ZBTB46: variants seen among roughly 807,000 people sequenced by gnomAD.
ZBTB46 encodes the protein zinc finger and BTB domain-containing protein 46.
A neutral mutation model predicts 44.1 loss-of-function variants in ZBTB46; 8 were observed. The ratio of observed to expected loss-of-function variants is 0.18; its 90% confidence interval spans 0.11 to 0.33. The LOEUF is 0.33. Among genes scored for constraint, ZBTB46 ranks in the 10% least tolerant of loss-of-function variants. The pLI is 1.00. For synonymous variants in ZBTB46, 409 were observed against 382.3 expected (o/e 1.07, Z -0.81); for missense variants, 651 against 847.7 (o/e 0.77, Z 2.88).
chr20:63,771,185 G>T (rs1316942649), intron 3 of ZBTB46, among the ~76,000 whole-genome samples: 1 of 152,206 alleles, frequency 6.6e-6, no homozygotes, highest in Non-Finnish European at 1.5e-5. Context: ...GGCCGCTCTT[G>T]TCTTCTTCTC....
chr20:63,795,378 T>TA (rs956052155), intron 1 of ZBTB46, among the ~76,000 whole-genome samples: 102 of 152,288 alleles, frequency 6.7e-4, no homozygotes, highest in Non-Finnish European at 1.0e-3. Flanking sequence ...GCTGCGCAGT[T>TA]ACACCGTGCA....
At chr20:63,754,843 CCCGCCTCGG>C (rs2092205623) in intron 3 of ZBTB46, among the ~76,000 whole-genome samples, 1 of 152,186 alleles carries the variant, frequency 6.6e-6, no homozygotes, top group African/African-American at 2.4e-5. Context: ...TCGTGATCCG[CCCGCCTCGG>C]CCTCTCAAAG....
intron 1 of ZBTB46, among the ~76,000 whole-genome samples, chr20:63,823,858 T>TGTGTGTGTGTGTGTGTGTGTG (rs1555859083): frequency 2.1e-5 from 3 of 144,718 alleles, no homozygotes; most frequent in East Asian, 2.0e-4. Context: ...TCTAGGAACC[T>TGTGTGTGTGTGTGTGTGTGTG]TGTGTGTGTG....
At chr20:63,785,315 C>G (rs990612804) in intron 2 of ZBTB46, among the ~76,000 whole-genome samples, 1 of 151,530 alleles carries the variant, frequency 6.6e-6, no homozygotes, top group African/African-American at 2.4e-5. Context: ...AATCCCAGCA[C>G]TTTGGGAGGC....
intron 3 of ZBTB46, among the ~76,000 whole-genome samples, chr20:63,770,516 G>A (rs2092360126): frequency 1.3e-5 from 2 of 152,160 alleles, no homozygotes; most frequent in Non-Finnish European, 2.9e-5. Context: ...CAAGGTTACT[G>A]GTCCTACAAA....
chr20:63,803,673 G>A lies in ZBTB46; in HGVS notation c.-33-12883C>T, dbSNP rs1011708240. 2.0e-5 allele frequency among the ~76,000 whole-genome samples: 3 copies of A among 151,536 alleles called. No homozygotes were observed. The highest frequency in any genetic ancestry group is 1.3e-4 in the Admixed American group (2 of 15,200). On this transcript the variant is annotated intron_variant, in intron 1 of 4. Transcript: ENST00000245663. This position sits in a 1 kb window ranked among gnomAD's most constrained non-coding sequence, Gnocchi z 4.0. ...CCAGCCCGGCTCTGACGCCCAGGCC[G>A]CCTCCTCCGCCTTCCCGAACCTGGC...
chr20:63,823,495 C>G (rs1478909371), intron 1 of ZBTB46, among the ~76,000 whole-genome samples: 1 of 131,240 alleles, frequency 7.6e-6, no homozygotes, highest in East Asian at 2.3e-4. Flanking sequence ...GAGACCCTGT[C>G]TCAAAAAAAT....
intron 4 of ZBTB46, among the ~76,000 whole-genome samples, chr20:63,749,361 G>C (rs753673667): frequency 1.9e-4 from 29 of 150,398 alleles, no homozygotes; most frequent in Admixed American, 3.3e-4. Context: ...TTTTGAAACA[G>C]AGTCTCGCTC....
At chr20:63,800,872 C>T (rs1043704420) in intron 1 of ZBTB46, among the ~76,000 whole-genome samples, 1 of 152,244 alleles carries the variant, frequency 6.6e-6, no homozygotes, top group Non-Finnish European at 1.5e-5. Flanking sequence ...CCTCCCTGCT[C>T]TACCGCGCTG....
chr20:63,761,248 T>TGCC lies in ZBTB46; in HGVS notation c.1223-8388_1223-8387insGGC, dbSNP rs1187858686. 6.8e-4 allele frequency among the ~76,000 whole-genome samples: 91 copies of TGCC among 134,392 alleles called. 2 individuals are homozygous for TGCC. Among genetic ancestry groups the TGCC allele is most frequent in the Non-Finnish European group, 1.1e-3 (66 of 57,880 alleles). The allele number at this position is 134,392 out of a possible 152,430, so 88.2% of individuals were successfully genotyped here. On this transcript the variant is annotated intron_variant, in intron 3 of 4. Transcript: ENST00000245663. ...TCCTGACCTCAAGTGATTGACGCAC[T>TGCC]TCAGCCTCCCAAAGTGCTGGGATTA...
intron 2 of ZBTB46, among the ~76,000 whole-genome samples, chr20:63,786,890 A>C (rs6010651): frequency 0.43 from 64,786 of 151,948 alleles, 14,247 homozygotes; most frequent in East Asian, 0.56. Context: ...AGGGATCCTC[A>C]TGCCTCGGCC....
At chr20:63,792,515 TTTC>T (rs780722166) in intron 1 of ZBTB46, among the ~76,000 whole-genome samples, 316 of 152,142 alleles carry the variant, frequency 2.1e-3, no homozygotes, top group Non-Finnish European at 3.5e-3. Context: ...GACAGAATAT[TTTC>T]TTCTTTTTTT....
intron 1 of ZBTB46, among the ~76,000 whole-genome samples, chr20:63,822,448 T>C (rs1207878945): frequency 6.6e-6 from 1 of 152,220 alleles, no homozygotes; most frequent in Non-Finnish European, 1.5e-5. Context: ...TGATGGGCTC[T>C]AGGCCCCGAC....
intron 1 of ZBTB46, among the ~76,000 whole-genome samples, chr20:63,809,112 G>GCCTTCCACGTTCC (rs1242781245): frequency 6.6e-6 from 1 of 151,922 alleles, no homozygotes; most frequent in Non-Finnish European, 1.5e-5. Context: ...CTCCACGTTC[G>GCCTTCCACGTTCC]CCTTCCACGT....
intron 1 of ZBTB46, among the ~76,000 whole-genome samples, chr20:63,809,186 A>G (rs1018552916): frequency 2.0e-5 from 3 of 151,560 alleles, no homozygotes; most frequent in Non-Finnish European, 2.9e-5. Flanking sequence ...AGTGGGCACT[A>G]AAGGTGCAGA....
intron 3 of ZBTB46, among the ~76,000 whole-genome samples, chr20:63,754,629 T>C (rs964990243): frequency 5.3e-5 from 8 of 151,242 alleles, no homozygotes; most frequent in African/African-American, 1.9e-4. Flanking sequence ...AGACGGAGTC[T>C]CACTCTGTCA....
chr20:63,816,089 C>G (rs1293642968), intron 1 of ZBTB46, among the ~76,000 whole-genome samples: 5 of 123,454 alleles, frequency 4.1e-5, no homozygotes, highest in African/African-American at 1.5e-4. Context: ...CAGGTGGGCA[C>G]AGGTGCAGTG....
intron 1 of ZBTB46, among the ~76,000 whole-genome samples, chr20:63,830,620 CGGCGGGGGGCGCG>C (rs1386935965): frequency 4.0e-5 from 6 of 149,854 alleles, no homozygotes; most frequent in South Asian, 2.1e-4. Flanking sequence ...TGGGCTGTGC[CGGCGGGGGGCGCG>C]GGCGGGGGGC....
intron 3 of ZBTB46, among the ~76,000 whole-genome samples, chr20:63,759,548 A>G (rs992146283): frequency 7.2e-5 from 11 of 151,946 alleles, no homozygotes; most frequent in African/African-American, 2.7e-4. Context: ...ACTGTATTGC[A>G]CAGCTTGGGA....
Sources: gnomAD v4.1 joint callset for allele counts (sites outside exome capture counted in the v4.1 genomes callset) on GRCh38, gnomAD v4.1.1 for gene constraint, Gnocchi (gnomAD v3.1) non-coding constraint, MANE v1.5 for transcripts, NCBI Gene and HGNC (gene_info 2026-07-23, HGNC 2026-07-21) for gene names.